The following TMEM45A variants were observed in gnomAD, a reference collection of about 807,000 sequenced individuals.
TMEM45A encodes the protein transmembrane protein 45A.
Under a neutral mutation model 32.0 loss-of-function variants are expected in TMEM45A, and 25 were observed. The ratio of observed to expected loss-of-function variants is 0.78; its 90% CI spans 0.57 to 1.09. TMEM45A has a LOEUF of 1.09. TMEM45A is among the 50% of genes least tolerant of loss of function. The probability of loss-of-function intolerance (pLI) is 0.00; values close to 1 mark genes in which losing one functional copy is unlikely to be tolerated. For missense variants in TMEM45A, 302 were observed against 325.0 expected, an observed-to-expected ratio of 0.93 and a Z score of 0.54; for synonymous variants, 122 against 114.8, an observed-to-expected ratio of 1.06 and a Z score of -0.40.
At chr3:100,530,770 A>G (rs1184551577) in intron 1 of TMEM45A, among the ~76,000 whole-genome samples, 6 of 152,220 alleles carry the variant, frequency 3.9e-5, no homozygotes, top group South Asian at 2.1e-4. Context: ...AAGCCCATAC[A>G]TTGCAATTAC....
intron 1 of TMEM45A, among the ~76,000 whole-genome samples, chr3:100,512,372 C>A (rs61552824): frequency 0.026 from 3,959 of 152,282 alleles, 183 homozygotes; most frequent in African/African-American, 0.089. Context: ...TCCTGAATGA[C>A]TACTGGGTAC....
Position 100,542,532 on chromosome 3 carries a change from G to A in TMEM45A, c.-3-12677G>A, listed in dbSNP as rs565394556. ...GAGTAAACAGGCAACCCACAGAATG[G>A]GAGCAAATTTTCACGAACTATTCAG... is the stretch of plus-strand genomic sequence containing the variant. On this transcript the variant is annotated intron_variant, in intron 1 of 5. Coordinates refer to ENST00000323523, the MANE Select transcript of TMEM45A (RefSeq NM_018004.3). Among the ~76,000 whole-genome samples the A allele has an allele frequency of 2.6e-4, 39 of 152,084 alleles. 1 individual carries two copies. The highest frequency in any genetic ancestry group is 8.4e-4 in the African/African-American group (35 of 41,504).
chr3:100,525,225 A>T (rs973977276), intron 1 of TMEM45A, among the ~76,000 whole-genome samples: 7 of 152,184 alleles, frequency 4.6e-5, no homozygotes, highest in Non-Finnish European at 1.0e-4. Context: ...TGGAATGCCA[A>T]CTATCTCATT....
intron 2 of TMEM45A, among the ~76,000 whole-genome samples, chr3:100,556,181 A>C (rs1303436666): frequency 6.6e-6 from 1 of 152,108 alleles, no homozygotes; most frequent in Non-Finnish European, 1.5e-5. Flanking sequence ...GGGTTCCACC[A>C]TGTTGGCCAG....
chr3:100,519,676 T>C (rs187231385), intron 1 of TMEM45A: 4 of 1,470,602 alleles, frequency 2.7e-6, no homozygotes, highest in African/African-American at 2.8e-5. Flanking sequence ...TTTTGATTCA[T>C]AAAGACCTAG....
At chr3:100,515,876 A>G (rs1708254524) in intron 1 of TMEM45A, among the ~76,000 whole-genome samples, 1 of 152,132 alleles carries the variant, frequency 6.6e-6, no homozygotes, top group South Asian at 2.1e-4. Flanking sequence ...AGGTTGGTTA[A>G]TGGGTACAAA....
At chr3:100,523,803 C>CCTCCTT (rs138475944) in intron 1 of TMEM45A, among the ~76,000 whole-genome samples, 32,951 of 144,970 alleles carry the variant, frequency 0.23, 3,862 homozygotes, top group African/African-American at 0.32. Context: ...TTCTCCTTCT[C>CCTCCTT]CTCCTCCTCC....
rs745944371 is a variant in TMEM45A at position 100,556,764 on chromosome 3, G to A, written c.195G>A (p.Met65Ile). Residue 65 changes from methionine to isoleucine, a missense_variant, in exon 3 of 6, where the codon ATG (methionine) becomes ATA (isoleucine). Met to Ile is a conservative substitution (Grantham distance 10, BLOSUM62 1). Transcript: ENST00000323523. ...CTGTGATATGTTTCTTGGCAGGCATGGCTGGGGAGCAGTTTATTCCTGGAG... is the reference window on the plus strand; with the variant it reads ...CTGTGATATGTTTCTTGGCAGGCATAGCTGGGGAGCAGTTTATTCCTGGAG... ...ITIVGMALTG[M>I]AGEQFIPGGP... The A allele has an allele frequency of 2.9e-5, 46 of 1,612,326 alleles. No homozygotes were observed. The highest frequency in any genetic ancestry group is 3.6e-5 in the Non-Finnish European group (43 of 1,179,172).
chr3:100,504,849 T>C (rs1708057691), intron 1 of TMEM45A, among the ~76,000 whole-genome samples: 1 of 152,198 alleles, frequency 6.6e-6, no homozygotes, highest in Non-Finnish European at 1.5e-5. Context: ...AAACCAAGTC[T>C]CAGAAAAGAT....
intron 1 of TMEM45A, among the ~76,000 whole-genome samples, chr3:100,509,383 C>CA (rs919239651): frequency 5.3e-5 from 8 of 152,052 alleles, no homozygotes; most frequent in Admixed American, 3.3e-4. Context: ...GGGGGTTTCT[C>CA]AAAAAAATAA....
chr3:100,531,733 C>G (rs59562996), intron 1 of TMEM45A, among the ~76,000 whole-genome samples: 3,368 of 152,180 alleles, frequency 0.022, 129 homozygotes, highest in African/African-American at 0.078. Flanking sequence ...AGATTTATGC[C>G]CCAATTTGGG....
intron 1 of TMEM45A, among the ~76,000 whole-genome samples, chr3:100,544,612 A>G (rs532087026): frequency 1.3e-5 from 2 of 152,314 alleles, no homozygotes; most frequent in East Asian, 1.9e-4. Flanking sequence ...GGAACTATGC[A>G]GTAAGTACCC....
intron 1 of TMEM45A, among the ~76,000 whole-genome samples, chr3:100,501,152 T>C (rs1350752137): frequency 2.0e-5 from 3 of 152,246 alleles, no homozygotes; most frequent in Admixed American, 2.0e-4. Flanking sequence ...GCAAAGAATA[T>C]GAAAATTTGT....
At position 100,555,259 on chromosome 3, in the gene TMEM45A, T is replaced by G. The variant is rs200996472; in HGVS notation, c.48T>G (p.Ile16Met). ...GHALPGTFFFIIGLWWCTKSI... is the reference protein window; with the variant it reads ...GHALPGTFFFMIGLWWCTKSI... Reference sequence around the variant, plus strand: ...CCCTCCCTGGAACCTTCTTTTTTATTATTGGTCTTTGGTGGTGTACAAAGA... The same window carrying G: ...CCCTCCCTGGAACCTTCTTTTTTATGATTGGTCTTTGGTGGTGTACAAAGA... Residue 16 changes from isoleucine to methionine, a missense_variant, in exon 2 of 6, where the codon ATT becomes ATG. Coordinates refer to ENST00000323523, the MANE Select transcript of TMEM45A (RefSeq NM_018004.3). The G allele has an allele frequency of 5.6e-6, 9 of 1,612,050 alleles. No individual in the cohort carries two copies. In the East Asian group the frequency reaches 2.0e-4, roughly 36 times the overall value.
chr3:100,539,438 T>TATGCATATGTATATGCATATGCATATGC (rs1453426235), intron 1 of TMEM45A, among the ~76,000 whole-genome samples: 1 of 108,950 alleles, frequency 9.2e-6, no homozygotes, highest in Non-Finnish European at 1.8e-5. Flanking sequence ...ATAGGATATG[T>TATGCATATGTATATGCATATGCATATGC]ATATGTATAT....
intron 1 of TMEM45A, among the ~76,000 whole-genome samples, chr3:100,531,816 G>T (rs768393751): frequency 1.3e-5 from 2 of 152,174 alleles, no homozygotes; most frequent in Non-Finnish European, 2.9e-5. Flanking sequence ...TGATGCTGGC[G>T]ATTTATTTTA....
intron 1 of TMEM45A, among the ~76,000 whole-genome samples, chr3:100,527,254 G>A (rs938056677): frequency 6.6e-6 from 1 of 152,154 alleles, no homozygotes. Context: ...CCCTTATGGT[G>A]ACTGAAATGT....
chr3:100,499,930 C>A (rs1707987561), intron 1 of TMEM45A, among the ~76,000 whole-genome samples: 1 of 152,188 alleles, frequency 6.6e-6, no homozygotes, highest in Admixed American at 6.5e-5. Context: ...AAAAACTATT[C>A]TTGTGGTCAA....
intron 1 of TMEM45A, among the ~76,000 whole-genome samples, chr3:100,495,898 G>A (rs889160263): frequency 1.3e-5 from 2 of 152,208 alleles, no homozygotes; most frequent in African/African-American, 4.8e-5. Flanking sequence ...CACGCCCATA[G>A]TGTATGCCGA....
Sources: allele counts gnomAD v4.1 joint callset (sites outside exome capture counted in the v4.1 genomes callset), GRCh38; gene constraint gnomAD v4.1.1; transcripts MANE v1.5; gene names NCBI Gene and HGNC (gene_info 2026-07-23, HGNC 2026-07-21).